The following USP33 variants were observed in gnomAD, a reference collection of about 807,000 sequenced individuals.
USP33 encodes the protein ubiquitin specific peptidase 33.
Under a neutral mutation model 124.2 loss-of-function variants are expected in USP33, and 46 were observed. That is an observed-to-expected ratio of 0.37 (90% CI 0.29 to 0.47). The LOEUF is 0.47. USP33 is among the 20% of genes least tolerant of loss of function. The pLI is 0.99. For missense variants in USP33, 851 were observed against 1,070.6 expected (o/e 0.79, Z 2.86); for synonymous variants, 350 against 352.3 (o/e 0.99, Z 0.07).
intron 1 of USP33, among the ~76,000 whole-genome samples, chr1:77,755,633 G>A (rs1037059545): frequency 2.6e-5 from 4 of 152,246 alleles, no homozygotes; most frequent in African/African-American, 4.8e-5. Context: ...AGGAGGTGGA[G>A]GTTGCAGTGA....
At chr1:77,756,631 T>G (rs1680828799) in intron 1 of USP33, among the ~76,000 whole-genome samples, 1 of 152,174 alleles carries the variant, frequency 6.6e-6, no homozygotes, top group South Asian at 2.1e-4. Flanking sequence ...TCCCCTTCAT[T>G]TGGGGCAGTT....
rs146170577 is a variant in USP33, at chr1:77,704,437, C to T, written c.2407-2966G>A. Reference sequence around the variant, plus strand: ...CATGTTTGAAAACTTTCAGGACTTACTTTATCTTTGGTATTAAGAAGTTAC... The same window carrying T: ...CATGTTTGAAAACTTTCAGGACTTATTTTATCTTTGGTATTAAGAAGTTAC... On this transcript the variant is annotated intron_variant, in intron 21 of 23. Coordinates refer to ENST00000370794, the MANE Select transcript of USP33 (RefSeq NM_201624.3). 4.2e-3 allele frequency among the ~76,000 whole-genome samples: 645 copies of T among 152,290 alleles called. 6 individuals are homozygous for T. The highest frequency in any genetic ancestry group is 0.015 in the African/African-American group (610 of 41,560).
chr1:77,743,731 T>C (rs139175374), intron 1 of USP33, among the ~76,000 whole-genome samples: 27 of 152,334 alleles, frequency 1.8e-4, no homozygotes, highest in Non-Finnish European at 3.5e-4. Flanking sequence ...TCAGCCACAG[T>C]TGAAAGACAC....
intron 12 of USP33, 185 bp from the exon 13 acceptor site, chr1:77,722,381 AACAAAAC>A (rs1676667389): frequency 2.3e-5 from 13 of 574,130 alleles, no homozygotes; most frequent in Non-Finnish European, 2.7e-5. Context: ...AAAAACAAAA[AACAAAAC>A]ACACTTGCTC....
At chr1:77,739,793 G>A (rs866007907) in intron 4 of USP33, among the ~76,000 whole-genome samples, 1 of 152,176 alleles carries the variant, frequency 6.6e-6, no homozygotes, top group African/African-American at 2.4e-5. Flanking sequence ...ATGAGTCAAG[G>A]CATAAAACAG....
intron 1 of USP33, among the ~76,000 whole-genome samples, chr1:77,750,682 A>AAG (rs1299839074): frequency 4.0e-5 from 6 of 150,360 alleles, no homozygotes; most frequent in South Asian, 2.1e-4. Context: ...GAAAGAAAGA[A>AAG]AGAAAAAGGA....
chr1:77,725,546 A>G (rs923802520), intron 11 of USP33, 76 bp downstream of exon 11: 15 of 1,493,368 alleles, frequency 1.0e-5, no homozygotes, highest in Non-Finnish European at 1.3e-5. Flanking sequence ...TTAACACTTT[A>G]AATTATCAAG....
Position 77,740,876 on chromosome 1 carries a change from C to G in USP33, c.198+1G>C, listed in dbSNP as rs1177761278. On this transcript the variant is annotated splice_donor_variant, in intron 4 of 23. Coordinates refer to ENST00000370794, the MANE Select transcript of USP33 (RefSeq NM_201624.3). LOFTEE classifies it high-confidence loss of function. ...TTCCATTAAATTTTTTATATACATA[C>G]CTGAGAATGTATGGTGCTGTGATCT... The G allele has an allele frequency of 6.4e-7, 1 of 1,562,810 alleles. No individual in the cohort carries two copies. Among genetic ancestry groups the G allele is most frequent in the African/African-American group, 1.4e-5 (1 of 73,406 alleles).
chr1:77,701,638 A>C (rs1005326626), intron 21 of USP33, 167 bp from the exon 22 acceptor site: 1 of 516,196 alleles, frequency 1.9e-6, no homozygotes. Flanking sequence ...CATCGTGAGA[A>C]CATCTCTACA....
chr1:77,718,170 A>G, intron 16 of USP33, 123 bp from the exon 17 acceptor site: 1 of 837,444 alleles, frequency 1.2e-6, no homozygotes, highest in Non-Finnish European at 1.8e-6. Flanking sequence ...ATCAAATTAC[A>G]ATTATGAAGT....
chr1:77,728,857 A>G lies in USP33; in HGVS notation c.718-145T>C. 5 of 881,826 alleles carry G rather than the reference A, an allele frequency of 5.7e-6. No individual in the cohort carries two copies. The East Asian group carries it at 1.3e-4, about 23-fold the overall frequency. The allele number at this position is 881,826 out of a possible 1,614,324, so 54.6% of individuals were successfully genotyped here. On this transcript the variant is annotated intron_variant, in intron 9 of 23. Transcript: ENST00000370794. ...AATACCAGTTTGGAGAGCATAAGGC[A>G]CTAGATAAATGAGATGCATTAACTT...
chr1:77,711,395 G>C (rs145607293), intron 21 of USP33: 3,866 of 173,280 alleles, frequency 0.022, 123 homozygotes, highest in African/African-American at 0.088. Context: ...AGCGTGGTGG[G>C]GCATGCCTGT....
intron 1 of USP33, chr1:77,745,280 C>T (rs1679627115): frequency 6.6e-6 from 1 of 152,142 alleles, no homozygotes; most frequent in Non-Finnish European, 1.5e-5. Flanking sequence ...CTTGGTAGAT[C>T]TTCCTCCATC....
chr1:77,728,863 T>C (rs945364592), intron 9 of USP33, 151 bp from the exon 10 acceptor site: 52 of 817,750 alleles, frequency 6.4e-5, no homozygotes, highest in Middle Eastern at 3.6e-4. Context: ...AGGCACTAGA[T>C]AAATGAGATG....
At chr1:77,737,954 CTT>C (rs1678669023) in intron 5 of USP33, among the ~76,000 whole-genome samples, 3 of 152,196 alleles carry the variant, frequency 2.0e-5, no homozygotes, top group Admixed American at 1.3e-4. Flanking sequence ...GTGGGACAAA[CTT>C]TTGTTAATAA....
chr1:77,744,033 A>G (rs1267014701), intron 1 of USP33, among the ~76,000 whole-genome samples: 4 of 151,970 alleles, frequency 2.6e-5, no homozygotes, highest in African/African-American at 9.7e-5. Context: ...CTGAGACAGG[A>G]GAATTGCTTG....
In USP33 at chr1:77,728,309, T is replaced by C. The variant is rs1229751121; in HGVS notation, c.1121A>G (p.His374Arg). ...NNQETVKVQI[H>R]SRASEYITDV... ...TAAATTGTCACCTGAAGCTCTGCTG[T>C]GTATTTGCACTTTGACAGTTTCCTG... The change falls in exon 10 of 24, where the codon CAC (histidine) becomes CGC (arginine). Residue 374 changes from histidine to arginine, a missense_variant. By Grantham distance (29) the His-to-Arg change is conservative (BLOSUM62 0). Transcript: ENST00000370794. 2 of 1,592,410 alleles carry C rather than the reference T, an allele frequency of 1.3e-6. No homozygotes were observed. Among genetic ancestry groups the C allele is most frequent in the Non-Finnish European group, 1.7e-6 (2 of 1,171,542 alleles).
intron 6 of USP33, among the ~76,000 whole-genome samples, chr1:77,734,862 G>A (rs1678245753): frequency 6.6e-6 from 1 of 152,084 alleles, no homozygotes; most frequent in Non-Finnish European, 1.5e-5. Flanking sequence ...AGTGGCTCAC[G>A]CCTGTAATCC....
chr1:77,750,683 A>AGAAAGAAG, intron 1 of USP33, among the ~76,000 whole-genome samples: 1 of 150,302 alleles, frequency 6.7e-6, no homozygotes, highest in Admixed American at 6.6e-5. Flanking sequence ...AAAGAAAGAA[A>AGAAAGAAG]GAAAAAGGAA....
Sources: allele counts gnomAD v4.1 joint callset (sites outside exome capture counted in the v4.1 genomes callset), GRCh38; gene constraint gnomAD v4.1.1; transcripts MANE v1.5; gene names NCBI Gene and HGNC (gene_info 2026-07-23, HGNC 2026-07-21).